Variants in ANKRD52 observed in about 807,000 individuals in gnomAD.
ANKRD52 encodes serine/threonine-protein phosphatase 6 regulatory ankyrin repeat subunit C.
Under a neutral mutation model 116.0 loss-of-function variants are expected in ANKRD52, and 7 were observed. The ratio of observed to expected loss-of-function variants is 0.06; its 90% CI spans 0.03 to 0.11. The LOEUF (loss-of-function observed/expected upper bound fraction) is 0.11. Ranked by LOEUF, ANKRD52 falls within the 10% of genes least tolerant of loss-of-function variation. The probability of loss-of-function intolerance (pLI) is 1.00; values close to 1 mark genes in which losing one functional copy is unlikely to be tolerated. For missense variants in ANKRD52, 839 were observed against 1,408.6 expected (o/e 0.60, Z 6.47); for synonymous variants, 528 against 578.1 (o/e 0.91, Z 1.24).
In ANKRD52 at chr12:56,244,622, T is replaced by G; in HGVS notation, c.2722+30A>C. On this transcript the variant is annotated intron_variant, in intron 24 of 27. Transcript: ENST00000267116. The surrounding 1 kb of genome is among the most constrained non-coding windows in gnomAD (Gnocchi z 4.9). ...CATCCTGCAAATGCCCCAGGGGAGC[T>G]CCTCCCTTCCACAAGTGGCCCCTAC... The G allele has an allele frequency of 1.2e-6, 2 of 1,612,026 alleles. No individual in the cohort carries two copies. Among genetic ancestry groups the G allele is most frequent in the Non-Finnish European group, 1.7e-6 (2 of 1,179,300 alleles).
In ANKRD52 at chr12:56,244,619, A is replaced by T. The variant is rs755213324; in HGVS notation, c.2722+33T>A. 20 of 1,611,768 alleles carry T rather than the reference A, an allele frequency of 1.2e-5. No homozygotes were observed. Among genetic ancestry groups the T allele is most frequent in the Non-Finnish European group, 1.7e-5 (20 of 1,179,166 alleles). ...ACCCATCCTGCAAATGCCCCAGGGG[A>T]GCTCCTCCCTTCCACAAGTGGCCCC... On this transcript the variant is annotated intron_variant, in intron 24 of 27. Transcript: ENST00000267116. This position sits in a 1 kb window ranked among gnomAD's most constrained non-coding sequence, Gnocchi z 4.9.
intron 1 of ANKRD52, 82 bp from the exon 2 acceptor site, chr12:56,257,993 G>A: frequency 7.2e-7 from 1 of 1,381,564 alleles, no homozygotes; most frequent in African/African-American, 1.4e-5. Context: ...GAGCACCTAG[G>A]TTTGAGTGGG....
Position 56,255,858 on chromosome 12 carries a change from A to T in ANKRD52, c.388T>A (p.Leu130Met). The T allele has an allele frequency of 6.3e-7, 1 of 1,577,230 alleles. No individual in the cohort carries two copies. The highest frequency in any genetic ancestry group is 1.2e-5 in the South Asian group (1 of 86,420). The change falls in exon 5 of 28, where the codon TTG becomes ATG. Residue 130 changes from leucine (L) to methionine (M), a missense_variant. By Grantham distance (15) the Leu-to-Met change is conservative. Coordinates refer to ENST00000267116, the MANE Select transcript of ANKRD52 (RefSeq NM_173595.4). This position sits in a 1 kb window ranked among gnomAD's most constrained non-coding sequence, Gnocchi z 4.3. ...CTGTCAGCCACGTTGAGGCTGCTCAACAGGGGTGCCAGAGCCTCAGCACAC... is the reference window on the plus strand; with the variant it reads ...CTGTCAGCCACGTTGAGGCTGCTCATCAGGGGTGCCAGAGCCTCAGCACAC... ...TKCAEALAPLLSSLNVADRSG... is the reference protein window; with the variant it reads ...TKCAEALAPLMSSLNVADRSG...
chr12:56,254,100 T>G lies in ANKRD52; in HGVS notation c.873A>C (p.Leu291=). ...TGACGTCAGCCCCATTATTAACCAGTAGCTCCAAGCAGAGAGCGCCATTGG... is the reference window on the plus strand; with the variant it reads ...TGACGTCAGCCCCATTATTAACCAGGAGCTCCAAGCAGAGAGCGCCATTGG... The part of the protein sequence containing the change: ...VSTNGALCLE[L]LVNNGADVNY... Residue 291 remains leucine, a synonymous_variant, in exon 8 of 28, where the codon CTA becomes CTC. Transcript: ENST00000267116. This position sits in a 1 kb window ranked among gnomAD's most constrained non-coding sequence, Gnocchi z 4.6. 1 of 1,613,600 alleles carries G rather than the reference T, an allele frequency of 6.2e-7. No homozygotes were observed. The highest frequency in any genetic ancestry group is 8.5e-7 in the Non-Finnish European group (1 of 1,179,792).
intron 4 of ANKRD52, among the ~76,000 whole-genome samples, chr12:56,256,308 T>A (rs1232662227): frequency 6.6e-6 from 1 of 152,158 alleles, no homozygotes; most frequent in Non-Finnish European, 1.5e-5. Context: ...GATCCACACA[T>A]CCCAACCCCC....
At chr12:56,245,637 T>A in intron 20 of ANKRD52, 41 bp from the exon 21 acceptor site, 7 of 1,572,346 alleles carry the variant, frequency 4.5e-6, no homozygotes, top group Non-Finnish European at 6.0e-6. Flanking sequence ...GAAAAGCTCC[T>A]CCTTTTCCAC....
rs2135869195 is a variant in ANKRD52 at position 56,238,099 on chromosome 12, C to T, written c.*5043G>A. 1 of 214,720 alleles carries T rather than the reference C, an allele frequency of 4.7e-6. No homozygotes were observed. 13.3% of individuals were successfully genotyped at this position (214,720 alleles called of 1,614,324 possible). A position where few individuals can be genotyped will look rare whatever the true frequency, so the allele number is the denominator to read the frequency against. On this transcript the variant is annotated 3_prime_UTR_variant, in exon 28 of 28. Transcript: ENST00000267116. ...ATCTGGGCACATCTGCCCCTTATTGCTGCCCACCAGCGTTAAACGCCCCCG... is the reference window on the plus strand; with the variant it reads ...ATCTGGGCACATCTGCCCCTTATTGTTGCCCACCAGCGTTAAACGCCCCCG...
chr12:56,245,709 T>TTA, intron 20 of ANKRD52, 113 bp from the exon 21 acceptor site: 4 of 146,602 alleles, frequency 2.7e-5, no homozygotes, highest in East Asian at 2.0e-4. Flanking sequence ...AATCCTTGTC[T>TTA]TTTTTTTTTT....
chr12:56,250,815 G>A (rs970797048), intron 15 of ANKRD52, among the ~76,000 whole-genome samples: 1 of 151,166 alleles, frequency 6.6e-6, no homozygotes, highest in African/African-American at 2.4e-5. Context: ...CTAGTTTCCC[G>A]TCATTAACAT....
rs1485932990 is a variant in ANKRD52, at chr12:56,257,368, A to G, written c.112-7T>C. 1 of 1,580,710 alleles carries G rather than the reference A, an allele frequency of 6.3e-7. No individual in the cohort carries two copies. Among genetic ancestry groups the G allele is most frequent in the East Asian group, 2.3e-5 (1 of 43,160 alleles). ...GAGTTCGCCTCTCTTGGTCCTGGGA[A>G]GGCAAAAAAGAGCAGGGAGTATGGG... On this transcript the variant is annotated splice_polypyrimidine_tract_variant and splice_region_variant and intron_variant, in intron 2 of 27. Coordinates refer to ENST00000267116, the MANE Select transcript of ANKRD52 (RefSeq NM_173595.4).
Position 56,254,751 on chromosome 12 carries a change from T to C in ANKRD52, c.551-31A>G, listed in dbSNP as rs772332847. The C allele has an allele frequency of 2.5e-6, 4 of 1,600,586 alleles. No homozygotes were observed. The East Asian group carries it at 9.0e-5, about 36-fold the overall frequency. On this transcript the variant is annotated intron_variant, in intron 6 of 27. Coordinates refer to ENST00000267116, the MANE Select transcript of ANKRD52 (RefSeq NM_173595.4). The surrounding 1 kb of genome is among the most constrained non-coding windows in gnomAD (Gnocchi z 4.6). ...AAAAGAGAAGACACTCTAAAGGAAGTAGAAGGTAAACTCTAAGACCCTACA... is the reference window on the plus strand; with the variant it reads ...AAAAGAGAAGACACTCTAAAGGAAGCAGAAGGTAAACTCTAAGACCCTACA...
In ANKRD52 at chr12:56,247,794, T is replaced by A. The variant is rs1871487830; in HGVS notation, c.1979-20A>T. On this transcript the variant is annotated intron_variant, in intron 18 of 27. Coordinates refer to ENST00000267116, the MANE Select transcript of ANKRD52 (RefSeq NM_173595.4). ...AGGCAGCTAGGGGAAAGGGACCCCG[T>A]GTCAGGGCAGGGCCAGGAGGAAGAA... is the stretch of plus-strand genomic sequence containing the variant. 6.2e-7 allele frequency: 1 copy of A among 1,606,428 alleles called. No individual in the cohort carries two copies. Among genetic ancestry groups the A allele is most frequent in the South Asian group, 1.1e-5 (1 of 89,894 alleles).
Position 56,248,445 on chromosome 12 carries a change from TG to T in ANKRD52, c.1776+49del, listed in dbSNP as rs1252053422. 1.1e-5 allele frequency: 17 copies of T among 1,547,450 alleles called. No homozygotes were observed. The highest frequency in any genetic ancestry group is 1.5e-5 in the Non-Finnish European group (17 of 1,138,224). On this transcript the variant is annotated intron_variant, in intron 17 of 27. Coordinates refer to ENST00000267116, the MANE Select transcript of ANKRD52 (RefSeq NM_173595.4). The surrounding 1 kb of genome is among the most constrained non-coding windows in gnomAD (Gnocchi z 5.1). ...AAGTGCTGGCACCTTTGTTAGGGCC[TG>T]GGAACAGGTAGGACAAGGAAGGCAA... is the stretch of plus-strand genomic sequence containing the variant.
At chr12:56,251,721 G>C (rs906109155) in intron 15 of ANKRD52, among the ~76,000 whole-genome samples, 16 of 130,348 alleles carry the variant, frequency 1.2e-4, no homozygotes, top group African/African-American at 4.2e-4. Context: ...CTGGGCAACA[G>C]AGTGAGACTC....
chr12:56,252,694 G>C lies in ANKRD52; in HGVS notation c.1301+86C>G. On this transcript the variant is annotated intron_variant, in intron 12 of 27. Coordinates refer to ENST00000267116, the MANE Select transcript of ANKRD52 (RefSeq NM_173595.4). This position sits in a 1 kb window ranked among gnomAD's most constrained non-coding sequence, Gnocchi z 4.7. ...GTGACTGCTTTCATTGTGAGAGGGG[G>C]AATAGATCTGGGCAGGCAAGAATGA... The C allele has an allele frequency of 6.5e-7, 1 of 1,535,690 alleles. No homozygotes were observed. Among genetic ancestry groups the C allele is most frequent in the Non-Finnish European group, 9.0e-7 (1 of 1,112,640 alleles).
intron 21 of ANKRD52, 37 bp downstream of exon 21, chr12:56,245,340 A>G (rs749871876): frequency 6.2e-7 from 1 of 1,603,076 alleles, no homozygotes; most frequent in South Asian, 1.1e-5. Context: ...ACACTCCAAC[A>G]CATGCTCCTG....
In ANKRD52 at chr12:56,253,630, C is replaced by G; in HGVS notation, c.985+92G>C. On this transcript the variant is annotated intron_variant, in intron 9 of 27. Transcript: ENST00000267116. The surrounding 1 kb of genome is among the most constrained non-coding windows in gnomAD (Gnocchi z 5.5). The stretch of plus-strand genomic sequence containing the variant: ...AAGGGCCTATCCTACTGGAAGAGGG[C>G]AGGAGAAGGAAGTTAGGAACCTCCC... 1 of 1,375,310 alleles carries G rather than the reference C, an allele frequency of 7.3e-7. No homozygotes were observed. The highest frequency in any genetic ancestry group is 1.0e-6 in the Non-Finnish European group (1 of 980,372). 85.2% of individuals were successfully genotyped at this position (1,375,310 alleles called of 1,614,324 possible).
At position 56,243,968 on chromosome 12, in the gene ANKRD52, T is replaced by A; in HGVS notation, c.2888+83A>T. On this transcript the variant is annotated intron_variant, in intron 26 of 27. Coordinates refer to ENST00000267116, the MANE Select transcript of ANKRD52 (RefSeq NM_173595.4). The surrounding 1 kb of genome is among the most constrained non-coding windows in gnomAD (Gnocchi z 4.6). The stretch of plus-strand genomic sequence containing the variant: ...AGGGTGCTGAACAAATACAATGGGC[T>A]CCAGAGAGCCTCTGAACAGCGGCCA... The A allele has an allele frequency of 6.2e-7, 1 of 1,603,200 alleles. No homozygotes were observed. The highest frequency in any genetic ancestry group is 1.9e-4 in the Middle Eastern group (1 of 5,356).
Position 56,258,261 on chromosome 12 carries a change from G to T in ANKRD52, c.9C>A (p.Ile3=). 6.3e-7 allele frequency: 1 copy of T among 1,598,114 alleles called. No homozygotes were observed. Among genetic ancestry groups the T allele is most frequent in the Non-Finnish European group, 8.5e-7 (1 of 1,173,934 alleles). ...GGCTGACCTGGTCCGTGATGCTGAG[G>T]ATCCCCATGGCTCGGCCCGGGCTCC... The part of the protein sequence containing the change: MG[I]LSITDQPPLV... The change falls in exon 1 of 28, where the codon ATC becomes ATA. Residue 3 remains isoleucine, a synonymous_variant. Transcript: ENST00000267116.
Sources: allele counts gnomAD v4.1 joint callset (sites outside exome capture counted in the v4.1 genomes callset), GRCh38; gene constraint gnomAD v4.1.1; non-coding constraint Gnocchi (gnomAD v3.1); transcripts MANE v1.5; gene names NCBI Gene and HGNC (gene_info 2026-07-23, HGNC 2026-07-21).